The following ACCSL variants were observed in gnomAD, a reference collection of about 807,000 sequenced individuals.
ACCSL encodes 1-aminocyclopropane-1-carboxylate synthase homolog (inactive) like.
In ACCSL, 55 loss-of-function variants were observed where a neutral mutation model predicts 61.7. The ratio of observed to expected loss-of-function variants is 0.89; its 90% confidence interval spans 0.72 to 1.12. ACCSL has a LOEUF of 1.12. Ranked by LOEUF, ACCSL falls within the 50% of genes most tolerant of loss-of-function variation. The pLI is 0.00. For synonymous variants in ACCSL, 258 were observed against 264.3 expected (o/e 0.98, Z 0.23); for missense variants, 632 against 698.0 (o/e 0.91, Z 1.07).
At chr11:43,926,706 G>A in the ACCSL span, among the ~76,000 whole-genome samples, 1 of 152,204 alleles carries the variant, frequency 6.6e-6, no homozygotes, top group East Asian at 1.9e-4. Context: ...AAAAGAGAAA[G>A]CGTTTGTAAC....
At chr11:44,013,064 G>T in the ACCSL span, among the ~76,000 whole-genome samples, 2 of 152,168 alleles carry the variant, frequency 1.3e-5, no homozygotes, top group African/African-American at 2.4e-5. Context: ...CTAGCACATG[G>T]CAGGTGCTCA....
At chr11:44,046,166 C>T (rs1952595924), upstream of ACCSL, among the ~76,000 whole-genome samples, 1 of 152,188 alleles carries the variant, frequency 6.6e-6, no homozygotes. Context: ...TGGGCCAGGG[C>T]AAAGTTCTTG....
At chr11:44,002,831 A>G in the ACCSL span, among the ~76,000 whole-genome samples, 2 of 152,064 alleles carry the variant, frequency 1.3e-5, no homozygotes, top group East Asian at 3.9e-4. Context: ...CAATAAGCAA[A>G]AGCCCCTGGC....
the ACCSL span, among the ~76,000 whole-genome samples, chr11:43,985,127 C>T: frequency 8.5e-5 from 13 of 152,308 alleles, no homozygotes; most frequent in African/African-American, 3.1e-4. Context: ...CTGGCTGCAC[C>T]AGTACCTGGA....
chr11:44,009,590 A>G, the ACCSL span, among the ~76,000 whole-genome samples: 1 of 152,102 alleles, frequency 6.6e-6, no homozygotes, highest in African/African-American at 2.4e-5. Flanking sequence ...ACATAGTGAG[A>G]CCCTGTCTCT....
the ACCSL span, among the ~76,000 whole-genome samples, chr11:43,933,931 C>T: frequency 6.6e-6 from 1 of 152,156 alleles, no homozygotes; most frequent in South Asian, 2.1e-4. Flanking sequence ...AGCTGGTATC[C>T]CATTGCAGTG....
At chr11:43,967,070 A>T in the ACCSL span, among the ~76,000 whole-genome samples, 1 of 148,330 alleles carries the variant, frequency 6.7e-6, no homozygotes, top group African/African-American at 2.5e-5. Context: ...TTTCCATTAT[A>T]GTGCTAAGTT....
the ACCSL span, among the ~76,000 whole-genome samples, chr11:43,976,941 A>G: frequency 3.9e-5 from 6 of 152,250 alleles, no homozygotes; most frequent in African/African-American, 1.4e-4. Context: ...AAAAGTAAAC[A>G]TAAGTAAGAC....
the ACCSL span, among the ~76,000 whole-genome samples, chr11:43,941,093 G>A: frequency 6.6e-6 from 1 of 152,132 alleles, no homozygotes; most frequent in Non-Finnish European, 1.5e-5. Flanking sequence ...TTGAGTTCAC[G>A]CATCAAAAGT....
the ACCSL span, among the ~76,000 whole-genome samples, chr11:43,986,953 A>G: frequency 6.6e-6 from 1 of 152,164 alleles, no homozygotes; most frequent in East Asian, 1.9e-4. Context: ...GCTCCTTAGA[A>G]AGAGCCAGAG....
At chr11:43,946,435 TG>T in the ACCSL span, among the ~76,000 whole-genome samples, 4 of 152,206 alleles carry the variant, frequency 2.6e-5, no homozygotes, top group African/African-American at 4.8e-5. Flanking sequence ...AATTTTTTAT[TG>T]CCCTAGAAAT....
chr11:43,967,445 C>T, the ACCSL span, among the ~76,000 whole-genome samples: 1 of 152,032 alleles, frequency 6.6e-6, no homozygotes, highest in South Asian at 2.1e-4. Context: ...TCCCAAAGTG[C>T]TGCAATTACA....
chr11:44,026,055 C>T, the ACCSL span, among the ~76,000 whole-genome samples: 270 of 152,248 alleles, frequency 1.8e-3, no homozygotes, highest in Non-Finnish European at 2.9e-3. Context: ...TGTTGAGCTT[C>T]TTGGGTGTGC....
the ACCSL span, among the ~76,000 whole-genome samples, chr11:43,928,556 C>A: frequency 1.3e-5 from 2 of 152,200 alleles, no homozygotes; most frequent in African/African-American, 4.8e-5. Context: ...TGCCAGCCGC[C>A]AGGAGGATCG....
chr11:44,000,525 CAAA>C, the ACCSL span, among the ~76,000 whole-genome samples: 2 of 108,802 alleles, frequency 1.8e-5, no homozygotes, highest in Admixed American at 9.8e-5. Context: ...GACTCTGTCT[CAAA>C]AAAAAAAAAA....
At chr11:43,961,106 C>G in the ACCSL span, among the ~76,000 whole-genome samples, 1 of 152,332 alleles carries the variant, frequency 6.6e-6, no homozygotes, top group Admixed American at 6.5e-5. Context: ...CAGGCGTGAG[C>G]CACCGCGCCT....
chr11:43,965,959 C>CA, the ACCSL span, among the ~76,000 whole-genome samples: 1 of 152,002 alleles, frequency 6.6e-6, no homozygotes, highest in Non-Finnish European at 1.5e-5. Context: ...AAAATTAATT[C>CA]AAAATGGTTC....
chr11:43,930,831 ACG>A, the ACCSL span, among the ~76,000 whole-genome samples: 1 of 152,334 alleles, frequency 6.6e-6, no homozygotes, highest in South Asian at 2.1e-4. Context: ...ACATGCACAC[ACG>A]CACACACACT....
the ACCSL span, among the ~76,000 whole-genome samples, chr11:43,935,263 C>T: frequency 1.3e-5 from 2 of 152,232 alleles, no homozygotes; most frequent in Non-Finnish European, 2.9e-5. Context: ...CACACGCATA[C>T]ACACATGTAC....
Sources: allele counts gnomAD v4.1 joint callset (sites outside exome capture counted in the v4.1 genomes callset), GRCh38; gene constraint gnomAD v4.1.1; transcripts MANE v1.5; gene names NCBI Gene and HGNC (gene_info 2026-07-23, HGNC 2026-07-21).